Variants in ANK1 observed in about 807,000 individuals in gnomAD.
ANK1 encodes ankyrin-1.
ANK1 carries 51 observed loss-of-function variants against 210.4 expected under a neutral mutation model. The ratio of observed to expected loss-of-function variants is 0.24; its 90% CI spans 0.19 to 0.31. The LOEUF is 0.31. Among genes scored for constraint, ANK1 ranks in the 10% least tolerant of loss-of-function variants. The pLI is 1.00. For missense variants in ANK1, 2,051 were observed against 2,504.4 expected, an observed-to-expected ratio of 0.82 and a Z score of 3.86; for synonymous variants, 967 against 1,025.9, an observed-to-expected ratio of 0.94 and a Z score of 1.10.
intron 1 of ANK1, among the ~76,000 whole-genome samples, chr8:41,891,705 C>T (rs183191334): frequency 6.6e-5 from 10 of 152,280 alleles, no homozygotes; most frequent in African/African-American, 1.9e-4. Context: ...TGGGAAAATT[C>T]CCACATCTTC....
chr8:41,721,115 C>T (rs1586440415), intron 9 of ANK1, among the ~76,000 whole-genome samples: 1 of 152,134 alleles, frequency 6.6e-6, no homozygotes, highest in Non-Finnish European at 1.5e-5. Context: ...CAGAATGTGA[C>T]CTTGTTTGGA....
chr8:41,852,812 C>T (rs190509028), intron 1 of ANK1, among the ~76,000 whole-genome samples: 77 of 152,306 alleles, frequency 5.1e-4, no homozygotes, highest in Admixed American at 7.8e-4. Flanking sequence ...CCGCTGAGTG[C>T]CCTGGCCATC....
intron 1 of ANK1, among the ~76,000 whole-genome samples, chr8:41,858,553 A>G (rs1002427811): frequency 6.6e-6 from 1 of 152,196 alleles, no homozygotes; most frequent in South Asian, 2.1e-4. Context: ...GCAAACAGTC[A>G]GTGCCAAGGG....
chr8:41,735,388 C>G (rs780360501), intron 2 of ANK1, among the ~76,000 whole-genome samples: 1 of 152,136 alleles, frequency 6.6e-6, no homozygotes, highest in East Asian at 1.9e-4. Flanking sequence ...CCTCCTTCCC[C>G]GCCAGCAATT....
At chr8:41,856,874 CTTTT>C (rs35341809) in intron 1 of ANK1, among the ~76,000 whole-genome samples, 26,133 of 93,972 alleles carry the variant, frequency 0.28, 1,427 homozygotes, top group African/African-American at 0.32. Flanking sequence ...TAACAGCCCT[CTTTT>C]TTTTTTTTTT....
chr8:41,821,579 C>T (rs564263658), intron 1 of ANK1, among the ~76,000 whole-genome samples: 10 of 152,308 alleles, frequency 6.6e-5, no homozygotes, highest in Non-Finnish European at 1.3e-4. Context: ...CCCAATAAGC[C>T]ATTGTTGAGT....
intron 1 of ANK1, among the ~76,000 whole-genome samples, chr8:41,768,467 A>T (rs1235893578): frequency 6.6e-6 from 1 of 152,180 alleles, no homozygotes; most frequent in Non-Finnish European, 1.5e-5. Flanking sequence ...GCATTATCTC[A>T]TTTAATCCTC....
At chr8:41,714,001 G>A (rs1330372498) in intron 16 of ANK1, among the ~76,000 whole-genome samples, 155 bp downstream of exon 16, 8 of 152,242 alleles carry the variant, frequency 5.3e-5, no homozygotes, top group Admixed American at 4.6e-4. Context: ...TACAGGGCAG[G>A]TAACATGTGG....
At chr8:41,745,750 G>A (rs1835964083) in intron 2 of ANK1, among the ~76,000 whole-genome samples, 1 of 152,112 alleles carries the variant, frequency 6.6e-6, no homozygotes, top group African/African-American at 2.4e-5. Context: ...CCAGGCTGGA[G>A]TACTATGGCT....
intron 1 of ANK1, among the ~76,000 whole-genome samples, chr8:41,884,875 T>G (rs1430637241): frequency 6.6e-6 from 1 of 151,848 alleles, no homozygotes; most frequent in African/African-American, 2.4e-5. Flanking sequence ...GGAATCAGAC[T>G]GAGTTCCGGA....
chr8:41,706,257 C>T lies in ANK1; in HGVS notation c.1999-16G>A, dbSNP rs368447168. ...TGAGTCCGCTCTGCAAAGAAAAAGA[C>T]GTTCATCACCTTCTATCAAGTAAAG... On this transcript the variant is annotated splice_polypyrimidine_tract_variant and intron_variant, in intron 17 of 42. Coordinates refer to ENST00000289734, the MANE Select transcript of ANK1 (RefSeq NM_000037.4). 24 of 1,608,124 alleles carry T rather than the reference C, an allele frequency of 1.5e-5. No individual in the cohort carries two copies. The highest frequency in any genetic ancestry group is 1.2e-4 in the African/African-American group (9 of 74,976).
intron 37 of ANK1, among the ~76,000 whole-genome samples, chr8:41,679,632 G>A (rs1322407260): frequency 3.0e-5 from 4 of 132,582 alleles, no homozygotes; most frequent in Admixed American, 9.1e-5. Flanking sequence ...GCGCAATCTC[G>A]GCTCACTGCA....
intron 1 of ANK1, among the ~76,000 whole-genome samples, chr8:41,834,913 ACACT>A (rs1382152490): frequency 6.6e-6 from 1 of 152,160 alleles, no homozygotes; most frequent in East Asian, 1.9e-4. Context: ...TTGCCATTAC[ACACT>A]CAGTGCGGGG....
At chr8:41,860,525 A>G (rs1178396456) in intron 1 of ANK1, among the ~76,000 whole-genome samples, 1 of 152,214 alleles carries the variant, frequency 6.6e-6, no homozygotes, top group Non-Finnish European at 1.5e-5. Flanking sequence ...TGTGGTGGGA[A>G]GGCCAGCTCC....
In ANK1 at chr8:41,797,397, G is replaced by T; in HGVS notation, c.27+115C>A. 1 of 924,288 alleles carries T rather than the reference G, an allele frequency of 1.1e-6. No individual in the cohort carries two copies. Among genetic ancestry groups the T allele is most frequent in the Non-Finnish European group, 1.7e-6 (1 of 583,234 alleles). 57.3% of individuals were successfully genotyped at this position (924,288 alleles called of 1,614,324 possible). ...GCTAAGGCAGGGAGCCCACGGGGAG[G>T]CGAGGCGGGTGGGGTGTGCAAAGCT... On this transcript the variant is annotated intron_variant, in intron 1 of 42. Coordinates refer to ENST00000289734, the MANE Select transcript of ANK1 (RefSeq NM_000037.4). This position sits in a 1 kb window ranked among gnomAD's most constrained non-coding sequence, Gnocchi z 4.0.
chr8:41,684,699 G>A lies in ANK1; in HGVS notation c.4391-9C>T, dbSNP rs371559087. The A allele has an allele frequency of 1.5e-5, 24 of 1,613,090 alleles. No individual in the cohort carries two copies. The African/African-American group carries it at 1.9e-4, about 13-fold the overall frequency. On this transcript the variant is annotated splice_polypyrimidine_tract_variant and intron_variant, in intron 36 of 42. Coordinates refer to ENST00000289734, the MANE Select transcript of ANK1 (RefSeq NM_000037.4). ...TGTGTACAGATTCTCCACTGTGGGCGCAGAAGAGAGATGCACGTTACTCCA... is the reference window on the plus strand; with the variant it reads ...TGTGTACAGATTCTCCACTGTGGGCACAGAAGAGAGATGCACGTTACTCCA...
chr8:41,896,408 TCTC>T (rs1381700748), exon 1 of ANK1: 13 of 1,604,254 alleles, frequency 8.1e-6, no homozygotes, highest in East Asian at 2.3e-5. Context: ...GATTCCTCCT[TCTC>T]CTTCTGCTCC....
chr8:41,842,232 C>T (rs1250601174), intron 1 of ANK1, among the ~76,000 whole-genome samples: 1 of 152,226 alleles, frequency 6.6e-6, no homozygotes, highest in Non-Finnish European at 1.5e-5. Flanking sequence ...GTGGCTCACG[C>T]CTATAATCCC....
At chr8:41,784,234 A>G (rs1040221717) in intron 1 of ANK1, among the ~76,000 whole-genome samples, 1 of 151,780 alleles carries the variant, frequency 6.6e-6, no homozygotes, top group African/African-American at 2.4e-5. Context: ...ATATTTCTCT[A>G]CCCCACTCTC....
Sources: allele counts gnomAD v4.1 joint callset (sites outside exome capture counted in the v4.1 genomes callset), GRCh38; gene constraint gnomAD v4.1.1; non-coding constraint Gnocchi (gnomAD v3.1); transcripts MANE v1.5; gene names NCBI Gene and HGNC (gene_info 2026-07-23, HGNC 2026-07-21).